ROBO2: variants seen among roughly 807,000 people sequenced by gnomAD.
ROBO2 encodes roundabout guidance receptor 2.
In ROBO2, 53 loss-of-function variants were observed where a neutral mutation model predicts 160.8. The ratio of observed to expected loss-of-function variants is 0.33; its 90% CI spans 0.26 to 0.41. The LOEUF (loss-of-function observed/expected upper bound fraction) is 0.41, where lower values mean the gene tolerates loss of function less well. ROBO2 is among the 10% of genes least tolerant of loss of function. The pLI is 1.00. For synonymous variants in ROBO2, 664 were observed against 611.7 expected (o/e 1.09, Z -1.26); for missense variants, 1,577 against 1,722.4 (o/e 0.92, Z 1.49).
chr3:76,887,896 C>T (rs1271707313), intron 2 of ROBO2, among the ~76,000 whole-genome samples: 2 of 152,072 alleles, frequency 1.3e-5, no homozygotes, highest in Non-Finnish European at 2.9e-5. Flanking sequence ...TTAAAGTAAA[C>T]CTTGAGCTTG....
At chr3:77,309,510 A>G (rs1395294029) in intron 2 of ROBO2, among the ~76,000 whole-genome samples, 1 of 152,228 alleles carries the variant, frequency 6.6e-6, no homozygotes, top group Non-Finnish European at 1.5e-5. Flanking sequence ...TTCTCCTGGA[A>G]GAAGCCACTG....
chr3:76,283,969 C>T (rs958498592), intron 2 of ROBO2, among the ~76,000 whole-genome samples: 7 of 151,886 alleles, frequency 4.6e-5, no homozygotes, highest in African/African-American at 1.2e-4. Flanking sequence ...CCCTGAAATT[C>T]GTAATAACTA....
intron 2 of ROBO2, among the ~76,000 whole-genome samples, chr3:76,272,795 T>TATAAA (rs1553692973): frequency 5.0e-5 from 2 of 40,146 alleles, no homozygotes; most frequent in African/African-American, 8.4e-5. Flanking sequence ...ATAAAATATA[T>TATAAA]ATATATAAAA....
chr3:76,283,250 T>C (rs1000050997), intron 2 of ROBO2, among the ~76,000 whole-genome samples: 5 of 147,634 alleles, frequency 3.4e-5, no homozygotes, highest in Non-Finnish European at 7.5e-5. Context: ...ATTTACGCTG[T>C]CTTATTAGTA....
chr3:76,612,849 G>T (rs1460573581), intron 2 of ROBO2, among the ~76,000 whole-genome samples: 4 of 151,880 alleles, frequency 2.6e-5, no homozygotes, highest in South Asian at 4.2e-4. Flanking sequence ...GTCTCTTTTT[G>T]TAGTTTTTGT....
chr3:76,857,654 G>A (rs2070277391), intron 2 of ROBO2, among the ~76,000 whole-genome samples: 1 of 152,016 alleles, frequency 6.6e-6, no homozygotes, highest in Admixed American at 6.5e-5. Flanking sequence ...AGAAATCAAG[G>A]CTTCCTAAGT....
exon 26 of ROBO2, chr3:77,648,411 G>T (rs1025373341): frequency 6.6e-6 from 1 of 152,178 alleles, no homozygotes; most frequent in South Asian, 2.1e-4. Flanking sequence ...GTGTGCAGAT[G>T]ACTTTTGGAA....
chr3:77,230,153 G>C (rs1175626533), intron 2 of ROBO2, among the ~76,000 whole-genome samples: 1 of 151,878 alleles, frequency 6.6e-6, no homozygotes, highest in Admixed American at 6.6e-5. Context: ...AGTGGCATAA[G>C]CTCATCTCAC....
In ROBO2 at chr3:75,982,533, A is replaced by T. The variant is rs527492686; in HGVS notation, c.109+44931A>T. Among the ~76,000 whole-genome samples, 29 of 151,600 alleles carry T rather than the reference A, an allele frequency of 1.9e-4. 1 individual carries two copies. The highest frequency in any genetic ancestry group is 6.7e-4 in the African/African-American group (28 of 41,502). On this transcript the variant is annotated intron_variant, in intron 2 of 26. Transcript: ENST00000487694. ...TTTCTCTGATGATCAGTGATGTTGA[A>T]CATCTTTTCATAGGCTTGTTTGCTA...
intron 2 of ROBO2, among the ~76,000 whole-genome samples, chr3:76,018,608 A>G (rs528308691): frequency 2.8e-4 from 42 of 151,850 alleles, no homozygotes; most frequent in Non-Finnish European, 5.4e-4. Context: ...AAATTTTTCA[A>G]AAAAAATTGT....
chr3:76,752,087 A>T (rs1465068160), intron 2 of ROBO2, among the ~76,000 whole-genome samples: 1 of 152,328 alleles, frequency 6.6e-6, no homozygotes, highest in East Asian at 1.9e-4. Flanking sequence ...TGTGACACAT[A>T]TACAGCATGG....
At chr3:77,136,200 C>G (rs1246728201) in intron 2 of ROBO2, among the ~76,000 whole-genome samples, 2 of 152,140 alleles carry the variant, frequency 1.3e-5, no homozygotes, top group Non-Finnish European at 2.9e-5. Context: ...TTATTCTTAA[C>G]TAAGGAGGCA....
chr3:76,678,764 G>A (rs1218946069), intron 2 of ROBO2, among the ~76,000 whole-genome samples: 3 of 152,068 alleles, frequency 2.0e-5, no homozygotes, highest in Admixed American at 2.0e-4. Context: ...GCTAATATTG[G>A]TATGAAATTG....
chr3:76,232,680 T>G (rs1167718542), intron 2 of ROBO2, among the ~76,000 whole-genome samples: 1 of 152,250 alleles, frequency 6.6e-6, no homozygotes, highest in African/African-American at 2.4e-5. Context: ...TGCTGTTAAC[T>G]GTATATCAAT....
At chr3:76,111,849 A>T (rs1345897531) in intron 2 of ROBO2, among the ~76,000 whole-genome samples, 1 of 151,954 alleles carries the variant, frequency 6.6e-6, no homozygotes, top group African/African-American at 2.4e-5. Context: ...TCTTTAATCA[A>T]ATCAAGTAAT....
chr3:76,495,992 G>A (rs1438288444), intron 2 of ROBO2, among the ~76,000 whole-genome samples: 1 of 152,150 alleles, frequency 6.6e-6, no homozygotes, highest in South Asian at 2.1e-4. Flanking sequence ...AAGTAACATC[G>A]TATAGTGGAA....
intron 2 of ROBO2, among the ~76,000 whole-genome samples, chr3:75,937,841 T>TATATATATATATA (rs1947858350): frequency 9.5e-6 from 1 of 105,526 alleles, no homozygotes; most frequent in Admixed American, 9.8e-5. Context: ...GGAATTGATT[T>TATATATATATATA]TATATATATA....
At chr3:77,416,873 A>C (rs907281843) in intron 2 of ROBO2, among the ~76,000 whole-genome samples, 1 of 152,150 alleles carries the variant, frequency 6.6e-6, no homozygotes, top group Admixed American at 6.5e-5. Context: ...ACTGACTATG[A>C]GGTTGCTGTT....
intron 2 of ROBO2, among the ~76,000 whole-genome samples, chr3:77,184,234 A>G (rs1384239066): frequency 2.0e-5 from 3 of 152,018 alleles, no homozygotes; most frequent in African/African-American, 7.2e-5. Flanking sequence ...TTATTTTTAA[A>G]TTCTGAGATT....
Sources: gnomAD v4.1 joint callset for allele counts (sites outside exome capture counted in the v4.1 genomes callset) on GRCh38, gnomAD v4.1.1 for gene constraint, MANE v1.5 for transcripts, NCBI Gene and HGNC (gene_info 2026-07-23, HGNC 2026-07-21) for gene names.